The following SLC34A1 variants were observed in gnomAD, a reference collection of about 807,000 sequenced individuals.
SLC34A1 encodes solute carrier family 34 member 1.
A neutral mutation model predicts 51.4 loss-of-function variants in SLC34A1; 57 were observed. The ratio of observed to expected loss-of-function variants is 1.11; its 90% CI spans 0.90 to 1.38. The LOEUF (loss-of-function observed/expected upper bound fraction) is 1.38. Ranked by LOEUF, SLC34A1 falls within the 40% of genes most tolerant of loss-of-function variation. The probability of loss-of-function intolerance (pLI) is 0.00; values close to 1 mark genes in which losing one functional copy is unlikely to be tolerated. For synonymous variants in SLC34A1, 368 were observed against 358.0 expected, an observed-to-expected ratio of 1.03 and a Z score of -0.32; for missense variants, 796 against 835.6, an observed-to-expected ratio of 0.95 and a Z score of 0.58.
At chr5:177,394,479 G>C (rs1054275472) in intron 10 of SLC34A1, among the ~76,000 whole-genome samples, 2 of 152,196 alleles carry the variant, frequency 1.3e-5, no homozygotes, top group African/African-American at 4.8e-5. Context: ...CAAGGGAGGT[G>C]TAGTGCCAGG....
At chr5:177,392,567 G>A (rs994871845) in intron 8 of SLC34A1, among the ~76,000 whole-genome samples, 1 of 152,192 alleles carries the variant, frequency 6.6e-6, no homozygotes, top group Non-Finnish European at 1.5e-5. Flanking sequence ...TCATTGAATT[G>A]TAAAAGATAA....
rs1419418738 is a variant in SLC34A1, at chr5:177,386,241, C to T, written c.280C>T (p.Leu94=). Residue 94 remains leucine, a synonymous_variant, in exon 4 of 13, where the codon CTG becomes TTG. Coordinates refer to ENST00000324417, the MANE Select transcript of SLC34A1 (RefSeq NM_003052.5). The surrounding 1 kb of genome is among the most constrained non-coding windows in gnomAD (Gnocchi z 4.8). The part of the protein sequence containing the change: ...QKPESRLVPK[L]RQAGAMLLKV... ...TCCAGAGTCCAGGCTGGTCCCCAAG[C>T]TGCGCCAGGCTGGCGCCATGCTGCT... 6.5e-7 allele frequency: 1 copy of T among 1,544,004 alleles called. No homozygotes were observed. The highest frequency in any genetic ancestry group is 1.3e-5 in the African/African-American group (1 of 74,336).
intron 9 of SLC34A1, 124 bp from the exon 10 acceptor site, chr5:177,393,904 G>A: frequency 6.7e-7 from 1 of 1,501,940 alleles, no homozygotes. Context: ...CCTGGGTCAA[G>A]CTCCGGTGTT....
intron 5 of SLC34A1, among the ~76,000 whole-genome samples, chr5:177,387,152 C>T (rs554029924): frequency 4.2e-4 from 63 of 151,408 alleles, no homozygotes; most frequent in Admixed American, 2.6e-4. Flanking sequence ...GGGCAGATCA[C>T]GAGGTCAGTA....
At position 177,385,820 on chromosome 5, in the gene SLC34A1, A is replaced by G. The variant is rs2127345971; in HGVS notation, c.79A>G (p.Thr27Ala). 1 of 1,613,376 alleles carries G rather than the reference A, an allele frequency of 6.2e-7. No homozygotes were observed. Among genetic ancestry groups the G allele is most frequent in the Non-Finnish European group, 8.5e-7 (1 of 1,179,870 alleles). The change falls in exon 2 of 13, where the codon ACG (threonine) becomes GCG (alanine). Residue 27 changes from threonine to alanine, a missense_variant. Coordinates refer to ENST00000324417, the MANE Select transcript of SLC34A1 (RefSeq NM_003052.5). ...CCGTGGGGGGCATGTGATGCGAGGG[A>G]CGGCCTTTGCCTACGTGCCCAGCCC... is the stretch of plus-strand genomic sequence containing the variant. The part of the protein sequence containing the change: ...PVRGGHVMRG[T>A]AFAYVPSPQV...
At position 177,396,896 on chromosome 5, in the gene SLC34A1, G is replaced by A; in HGVS notation, c.1291+47G>A. On this transcript the variant is annotated intron_variant, in intron 11 of 12. Transcript: ENST00000324417. This position sits in a 1 kb window ranked among gnomAD's most constrained non-coding sequence, Gnocchi z 4.0. The stretch of plus-strand genomic sequence containing the variant: ...GAGTGGGGTGGGCCAGGGCTGGCAG[G>A]GAAAGGGCCGAAGGAGACGCTGGGG... 6.2e-7 allele frequency: 1 copy of A among 1,614,174 alleles called. No individual in the cohort carries two copies. Among genetic ancestry groups the A allele is most frequent in the Non-Finnish European group, 8.5e-7 (1 of 1,180,038 alleles).
At chr5:177,395,825 G>C (rs1352444166) in intron 10 of SLC34A1, among the ~76,000 whole-genome samples, 1 of 152,118 alleles carries the variant, frequency 6.6e-6, no homozygotes, top group Non-Finnish European at 1.5e-5. Context: ...GTAGAGACAG[G>C]GTTTTGCCAT....
Position 177,398,367 on chromosome 5 carries a change from G to T in SLC34A1, c.*81G>T. 3.9e-6 allele frequency: 6 copies of T among 1,527,810 alleles called. No individual in the cohort carries two copies. Among genetic ancestry groups the T allele is most frequent in the Non-Finnish European group, 5.4e-6 (6 of 1,116,878 alleles). The allele number at this position is 1,527,810 out of a possible 1,614,324, so 94.6% of individuals were successfully genotyped here. On this transcript the variant is annotated 3_prime_UTR_variant, in exon 13 of 13. Coordinates refer to ENST00000324417, the MANE Select transcript of SLC34A1 (RefSeq NM_003052.5). This position sits in a 1 kb window ranked among gnomAD's most constrained non-coding sequence, Gnocchi z 4.7. ...GGAGGGAGGGTGTGTGTAGGTATGT[G>T]CATGTGCCTGTGCCACCCTGGGTGC...
chr5:177,396,697 C>T lies in SLC34A1; in HGVS notation c.1175-36C>T. The T allele has an allele frequency of 1.3e-6, 2 of 1,598,116 alleles. No individual in the cohort carries two copies. The highest frequency in any genetic ancestry group is 1.1e-5 in the South Asian group (1 of 90,744). On this transcript the variant is annotated intron_variant, in intron 10 of 12. Coordinates refer to ENST00000324417, the MANE Select transcript of SLC34A1 (RefSeq NM_003052.5). The surrounding 1 kb of genome is among the most constrained non-coding windows in gnomAD (Gnocchi z 4.0). ...GGTCTGCTCTCCCAATGTCCCCGCT[C>T]TGACCCCAGCCTGCTGGGATGCGGT...
At position 177,388,094 on chromosome 5, in the gene SLC34A1, C is replaced by T. The variant is rs1426432774; in HGVS notation, c.745C>T (p.Arg249Ter). ...CACTGGCTACCTGCACCACATCACT[C>T]GACTTGTGGTGGCCTCCTTCAACAT... ...AATGYLHHIT[R>*]LVVASFNIHG... The change falls in exon 7 of 13, where the codon CGA (arginine) becomes TGA (stop). Residue 249 changes from arginine (R) to a stop codon, truncating the protein, a stop_gained. Transcript: ENST00000324417. LOFTEE classifies it high-confidence loss of function. This position sits in a 1 kb window ranked among gnomAD's most constrained non-coding sequence, Gnocchi z 4.3. 2.5e-6 allele frequency: 4 copies of T among 1,613,968 alleles called. No homozygotes were observed. Among genetic ancestry groups the T allele is most frequent in the East Asian group, 2.2e-5 (1 of 44,894 alleles).
Position 177,386,223 on chromosome 5 carries a change from TCCAGGCTGGTCCCCAAGCTGCG to T in SLC34A1, c.272_293del (p.Val91AlafsTer9). The T allele has an allele frequency of 6.2e-7, 1 of 1,614,026 alleles. No homozygotes were observed. Among genetic ancestry groups the T allele is most frequent in the Non-Finnish European group, 8.5e-7 (1 of 1,179,994 alleles). On this transcript the variant is annotated frameshift_variant, in exon 4 of 13. Transcript: ENST00000324417. LOFTEE classifies it high-confidence loss of function. This position sits in a 1 kb window ranked among gnomAD's most constrained non-coding sequence, Gnocchi z 4.8. ...TGCTCATGGCTTCCCCCATCCAGAG[TCCAGGCTGGTCCCCAAGCTGCG>T]CCAGGCTGGCGCCATGCTGCTCAAG...
chr5:177,390,801 A>C (rs537781071), intron 8 of SLC34A1, among the ~76,000 whole-genome samples: 8 of 152,014 alleles, frequency 5.3e-5, no homozygotes, highest in Admixed American at 1.3e-4. Context: ...CTGTGAGCTT[A>C]ATCACCTCCT....
chr5:177,384,939 C>T (rs1164263697), intron 1 of SLC34A1, among the ~76,000 whole-genome samples: 7 of 151,884 alleles, frequency 4.6e-5, no homozygotes, highest in South Asian at 2.1e-4. Context: ...CAGCCAAGGA[C>T]GCTGGGACAA....
At position 177,386,098 on chromosome 5, in the gene SLC34A1, T is replaced by G. The variant is rs754026824; in HGVS notation, c.221T>G (p.Leu74Arg). The change falls in exon 3 of 13, where the codon CTG (leucine) becomes CGG (arginine). Residue 74 changes from leucine to arginine, a missense_variant. Physicochemically the swap from Leu to Arg is moderately radical, Grantham distance 102. Transcript: ENST00000324417. This position sits in a 1 kb window ranked among gnomAD's most constrained non-coding sequence, Gnocchi z 4.8. The stretch of plus-strand genomic sequence containing the variant: ...GAGGTCCTGGAGCGCCATGAACCAC[T>G]GCCTGCCAAGCTGGCCCTGGAGGAG... Reference protein sequence around the residue: ...CGEVLERHEPLPAKLALEEEQ... With the variant: ...CGEVLERHEPRPAKLALEEEQ... The G allele has an allele frequency of 6.2e-7, 1 of 1,613,330 alleles. No individual in the cohort carries two copies. Among genetic ancestry groups the G allele is most frequent in the Non-Finnish European group, 8.5e-7 (1 of 1,179,606 alleles).
In SLC34A1 at chr5:177,388,879, G is replaced by A. The variant is rs56297224; in HGVS notation, c.936+507G>A. Among the ~76,000 whole-genome samples, 32,949 of 152,060 alleles carry A rather than the reference G, an allele frequency of 0.22. 4,367 individuals are homozygous for A. The highest frequency in any genetic ancestry group is 0.32 in the Middle Eastern group (93 of 294). On this transcript the variant is annotated intron_variant, in intron 8 of 12. Coordinates refer to ENST00000324417, the MANE Select transcript of SLC34A1 (RefSeq NM_003052.5). The surrounding 1 kb of genome is among the most constrained non-coding windows in gnomAD (Gnocchi z 4.3). Reference sequence around the variant, plus strand: ...AGCTTATCCTACCATGTCAGGGCCTGAGCACCCTAGAGGGGTTAGTGACTC... The same window carrying A: ...AGCTTATCCTACCATGTCAGGGCCTAAGCACCCTAGAGGGGTTAGTGACTC...
intron 1 of SLC34A1, among the ~76,000 whole-genome samples, chr5:177,384,882 A>T (rs1416685784): frequency 6.8e-6 from 1 of 146,558 alleles, no homozygotes; most frequent in Non-Finnish European, 1.5e-5. Flanking sequence ...AAAAAAAAGG[A>T]CTCCTGCTCC....
Position 177,396,655 on chromosome 5 carries a change from C to T in SLC34A1, c.1175-78C>T, listed in dbSNP as rs1762977544. 8.1e-7 allele frequency: 1 copy of T among 1,233,926 alleles called. No individual in the cohort carries two copies. The highest frequency in any genetic ancestry group is 1.7e-5 in the Admixed American group (1 of 59,452). 76.4% of individuals were successfully genotyped at this position (1,233,926 alleles called of 1,614,324 possible). A position where few individuals can be genotyped will look rare whatever the true frequency, so the allele number is the denominator to read the frequency against. ...CAGTGCCCCCGCGGAGGTCCGCTCT[C>T]CCAGTGCCCCCGCGGAGGTCTGCTC... On this transcript the variant is annotated intron_variant, in intron 10 of 12. Transcript: ENST00000324417. The surrounding 1 kb of genome is among the most constrained non-coding windows in gnomAD (Gnocchi z 4.0).
At chr5:177,389,996 T>C (rs1311022797) in intron 8 of SLC34A1, 2 of 1,355,250 alleles carry the variant, frequency 1.5e-6, no homozygotes, top group African/African-American at 2.9e-5. Context: ...TTCATCCCCT[T>C]TCTGGGACAG....
rs769409705 is a variant in SLC34A1 at position 177,386,492 on chromosome 5, G to C, written c.458G>C (p.Gly153Ala). 13 of 1,614,070 alleles carry C rather than the reference G, an allele frequency of 8.1e-6. No homozygotes were observed. The highest frequency in any genetic ancestry group is 1.0e-5 in the Non-Finnish European group (12 of 1,180,030). ...LSNPVAGLVVGILVTVLVQSS... is the reference protein window; with the variant it reads ...LSNPVAGLVVAILVTVLVQSS... Reference sequence around the variant, plus strand: ...AACCCGGTGGCCGGGCTGGTGGTGGGGATCCTGGTGACCGTGCTGGTGCAG... The same window carrying C: ...AACCCGGTGGCCGGGCTGGTGGTGGCGATCCTGGTGACCGTGCTGGTGCAG... Residue 153 changes from glycine to alanine, a missense_variant, in exon 5 of 13, where the codon GGG becomes GCG. Coordinates refer to ENST00000324417, the MANE Select transcript of SLC34A1 (RefSeq NM_003052.5). The surrounding 1 kb of genome is among the most constrained non-coding windows in gnomAD (Gnocchi z 4.8).
Sources: allele counts gnomAD v4.1 joint callset (sites outside exome capture counted in the v4.1 genomes callset), GRCh38; gene constraint gnomAD v4.1.1; non-coding constraint Gnocchi (gnomAD v3.1); transcripts MANE v1.5; gene names NCBI Gene and HGNC (gene_info 2026-07-23, HGNC 2026-07-21).